Variants in IMPA2 observed in about 807,000 individuals in gnomAD.
The protein encoded by IMPA2 is IMP 2.
A neutral mutation model predicts 35.1 loss-of-function variants in IMPA2; 32 were observed. That is an observed-to-expected ratio of 0.91 (90% CI 0.69 to 1.23). The LOEUF (loss-of-function observed/expected upper bound fraction) is 1.23. Ranked by LOEUF, IMPA2 falls within the 50% of genes most tolerant of loss-of-function variation. The pLI is 0.00. For missense variants in IMPA2, 334 were observed against 387.6 expected, an observed-to-expected ratio of 0.86 and a Z score of 1.16; for synonymous variants, 135 against 160.6, an observed-to-expected ratio of 0.84 and a Z score of 1.20.
chr18:11,987,476 A>T (rs2143774912), intron 1 of IMPA2, among the ~76,000 whole-genome samples: 1 of 152,246 alleles, frequency 6.6e-6, no homozygotes, highest in African/African-American at 2.4e-5. Context: ...GTCTACAGGC[A>T]TGCGCCACCA....
chr18:11,997,682 G>A (rs1906999609), intron 1 of IMPA2, among the ~76,000 whole-genome samples: 2 of 152,238 alleles, frequency 1.3e-5, no homozygotes, highest in African/African-American at 4.8e-5. Flanking sequence ...TGGCATGAGC[G>A]GGTCCTTGGT....
At chr18:12,006,959 A>G (rs1427071198) in intron 2 of IMPA2, among the ~76,000 whole-genome samples, 6 of 152,158 alleles carry the variant, frequency 3.9e-5, no homozygotes, top group Non-Finnish European at 5.9e-5. Context: ...GTGAAACCCC[A>G]TCTCTACTAA....
intron 1 of IMPA2, among the ~76,000 whole-genome samples, chr18:11,987,868 C>T (rs115143603): frequency 3.3e-5 from 5 of 152,274 alleles, no homozygotes; most frequent in African/African-American, 7.2e-5. Context: ...CTTTTCCCCA[C>T]GTCTTCCACA....
intron 4 of IMPA2, among the ~76,000 whole-genome samples, chr18:12,013,394 G>A (rs1907486845): frequency 6.6e-6 from 1 of 152,204 alleles, no homozygotes; most frequent in African/African-American, 2.4e-5. Flanking sequence ...CTCTGAAAAA[G>A]CGTTGACTGA....
intron 7 of IMPA2, among the ~76,000 whole-genome samples, chr18:12,029,261 C>G (rs571581140): frequency 1.3e-5 from 2 of 151,402 alleles, no homozygotes; most frequent in Admixed American, 6.6e-5. Flanking sequence ...ATTACAGGTG[C>G]GTGCTACCAT....
At chr18:12,004,564 T>C (rs1182599332) in intron 2 of IMPA2, among the ~76,000 whole-genome samples, 1 of 151,032 alleles carries the variant, frequency 6.6e-6, no homozygotes, top group Non-Finnish European at 1.5e-5. Context: ...GGAGTCTTGC[T>C]CTGTAGCCCA....
intron 5 of IMPA2, 45 bp downstream of exon 5, chr18:12,014,418 T>C (rs1907522398): frequency 1.6e-6 from 2 of 1,217,560 alleles, no homozygotes; most frequent in South Asian, 1.5e-5. Context: ...GAAATAAAAG[T>C]GTGAAAGGAG....
chr18:12,030,371 A>C lies in IMPA2; in HGVS notation c.780A>C (p.Arg260Ser). 6.2e-7 allele frequency: 1 copy of C among 1,614,096 alleles called. No homozygotes were observed. The highest frequency in any genetic ancestry group is 8.5e-7 in the Non-Finnish European group (1 of 1,180,010). The change falls in exon 8 of 8, where the codon AGA becomes AGC. Residue 260 changes from arginine to serine, a missense_variant. Coordinates refer to ENST00000269159, the MANE Select transcript of IMPA2 (RefSeq NM_014214.3). ...GACCCCTCGACCTCATGGCTTGCAG[A>C]GTGGTTGCGGCCAGCACCCGGGAGA... ...SGGPLDLMAC[R>S]VVAASTREMA...
intron 2 of IMPA2, among the ~76,000 whole-genome samples, chr18:12,007,654 TCTTTCTTTCTTTCTTTCTTTCTTTC>T (rs1394973554): frequency 5.0e-4 from 68 of 135,582 alleles, no homozygotes; most frequent in African/African-American, 1.8e-3. Flanking sequence ...TTTCTTTCTT[TCTTTCTTTCTTTCTTTCTTTCTTTC>T]CTTTCTTTCC....
At chr18:12,030,201 C>T (rs1313587787) in intron 7 of IMPA2, 142 bp from the exon 8 acceptor site, 10 of 654,176 alleles carry the variant, frequency 1.5e-5, no homozygotes, top group Non-Finnish European at 2.5e-5. Flanking sequence ...TCCTAGACCA[C>T]CTGTTTAATA....
rs565942383 is a variant in IMPA2 at position 11,982,703 on chromosome 18, G to A, written c.96+938G>A. Among the ~76,000 whole-genome samples the A allele has an allele frequency of 3.9e-3, 597 of 151,248 alleles. 3 individuals are homozygous for A. Among genetic ancestry groups the A allele is most frequent in the Middle Eastern group, 0.014 (4 of 294 alleles). Reference sequence around the variant, plus strand: ...AGCTATTTGGGAGGCTGAGGCAGGAGAATCACTTGAACCTGGGAGGCGAAG... The same window carrying A: ...AGCTATTTGGGAGGCTGAGGCAGGAAAATCACTTGAACCTGGGAGGCGAAG... On this transcript the variant is annotated intron_variant, in intron 1 of 7. Coordinates refer to ENST00000269159, the MANE Select transcript of IMPA2 (RefSeq NM_014214.3).
intron 1 of IMPA2, among the ~76,000 whole-genome samples, chr18:11,997,031 G>C (rs974489801): frequency 1.3e-5 from 2 of 151,614 alleles, no homozygotes; most frequent in African/African-American, 4.8e-5. Flanking sequence ...TACACACAGA[G>C]ACACACACCC....
chr18:11,985,164 AAAAAAG>A (rs1906630468), intron 1 of IMPA2, among the ~76,000 whole-genome samples: 1 of 151,144 alleles, frequency 6.6e-6, no homozygotes, highest in African/African-American at 2.4e-5. Flanking sequence ...AAAAAAAAAA[AAAAAAG>A]AGAAAATACA....
At chr18:12,024,690 C>A (rs1256600542) in intron 5 of IMPA2, among the ~76,000 whole-genome samples, 2 of 152,174 alleles carry the variant, frequency 1.3e-5, no homozygotes, top group East Asian at 3.9e-4. Context: ...TCCTTCCCTT[C>A]TTTCCTTTTC....
At chr18:12,019,429 T>G (rs1167232579) in intron 5 of IMPA2, among the ~76,000 whole-genome samples, 1 of 150,862 alleles carries the variant, frequency 6.6e-6, no homozygotes, top group Non-Finnish European at 1.5e-5. Flanking sequence ...AATTTTTTTT[T>G]TTTTTTTTTT....
chr18:11,981,749 C>T lies in IMPA2; in HGVS notation c.80C>T (p.Ala27Val), dbSNP rs750431257. The change falls in exon 1 of 8, where the codon GCG (alanine) becomes GTG (valine). Residue 27 changes from alanine (A) to valine (V), a missense_variant. Transcript: ENST00000269159. ...TGCTTCCAGGCGGCCGTGCAGCTGGCGCTGCGGGCAGGACAGGTGAGCGCC... is the reference window on the plus strand; with the variant it reads ...TGCTTCCAGGCGGCCGTGCAGCTGGTGCTGCGGGCAGGACAGGTGAGCGCC... ...EECFQAAVQL[A>V]LRAGQIIRKA... The T allele has an allele frequency of 2.1e-5, 26 of 1,228,392 alleles. No homozygotes were observed. Among genetic ancestry groups the T allele is most frequent in the Non-Finnish European group, 2.4e-5 (24 of 985,700 alleles). The allele number at this position is 1,228,392 out of a possible 1,614,324, so 76.1% of individuals were successfully genotyped here.
Position 12,011,851 on chromosome 18 carries a change from C to G in IMPA2, c.336-319C>G, listed in dbSNP as rs111886834. On this transcript the variant is annotated intron_variant, in intron 3 of 7. Coordinates refer to ENST00000269159, the MANE Select transcript of IMPA2 (RefSeq NM_014214.3). ...TGGCCTTTGGGGAGGGCTCTGCTGT[C>G]CCTTTAGGTCTGGAGAACCAGAAAA... is the stretch of plus-strand genomic sequence containing the variant. Among the ~76,000 whole-genome samples, 324 of 152,336 alleles carry G rather than the reference C, an allele frequency of 2.1e-3. 2 individuals are homozygous for G. The highest frequency in any genetic ancestry group is 7.2e-3 in the African/African-American group (301 of 41,580).
At chr18:11,999,000 G>T (rs1419732739) in intron 1 of IMPA2, 54 bp from the exon 2 acceptor site, 2 of 1,465,498 alleles carry the variant, frequency 1.4e-6, no homozygotes, top group African/African-American at 1.5e-5. Flanking sequence ...TAATTCCTTT[G>T]CCTGGGAGGA....
At chr18:11,988,162 C>T (rs748442416) in intron 1 of IMPA2, among the ~76,000 whole-genome samples, 21 of 151,846 alleles carry the variant, frequency 1.4e-4, no homozygotes, top group African/African-American at 2.7e-4. Flanking sequence ...TGTGCCACCA[C>T]GCCTGGCTAA....
Sources: allele counts gnomAD v4.1 joint callset (sites outside exome capture counted in the v4.1 genomes callset), GRCh38; gene constraint gnomAD v4.1.1; transcripts MANE v1.5; gene names NCBI Gene and HGNC (gene_info 2026-07-23, HGNC 2026-07-21).